Variants in PCDHA12 observed in about 807,000 individuals in gnomAD.
The protein encoded by PCDHA12 is protocadherin alpha 12.
Under a neutral mutation model 60.0 loss-of-function variants are expected in PCDHA12, and 44 were observed. The observed-to-expected ratio is 0.73, with a 90% CI of 0.58 to 0.94. The LOEUF (loss-of-function observed/expected upper bound fraction) is 0.94, where lower values mean the gene tolerates loss of function less well. PCDHA12 is among the 40% of genes least tolerant of loss of function. PCDHA12 has a pLI of 0.00. For missense variants in PCDHA12, 1,276 were observed against 1,239.7 expected, an observed-to-expected ratio of 1.03 and a Z score of -0.44; for synonymous variants, 569 against 553.0, an observed-to-expected ratio of 1.03 and a Z score of -0.40.
Position 141,009,767 on chromosome 5 carries a change from G to T in PCDHA12, c.2656G>T (p.Ala886Ser). ...PDKFIIPGSP[A>S]IISIRQEPTN... is the part of the protein sequence containing the mutation. Reference sequence around the variant, plus strand: ...CAAATTCATTATCCCAGGATCTCCTGCAATCATCTCCATCCGGCAGGAGCC... The same window carrying T: ...CAAATTCATTATCCCAGGATCTCCTTCAATCATCTCCATCCGGCAGGAGCC... The change falls in exon 4 of 4, where the codon GCA becomes TCA. Residue 886 changes from alanine to serine, a missense_variant. Coordinates refer to ENST00000398631, the MANE Select transcript of PCDHA12 (RefSeq NM_018903.4). 1 of 1,614,108 alleles carries T rather than the reference G, an allele frequency of 6.2e-7. No individual in the cohort carries two copies. Among genetic ancestry groups the T allele is most frequent in the South Asian group, 1.1e-5 (1 of 91,072 alleles).
chr5:140,896,687 T>G (rs782089227), intron 1 of PCDHA12, among the ~76,000 whole-genome samples: 2 of 152,170 alleles, frequency 1.3e-5, no homozygotes, highest in Non-Finnish European at 2.9e-5. Context: ...CTTTGCCCAT[T>G]TTTTGATGAG....
At chr5:140,899,704 T>C (rs2067500536) in intron 1 of PCDHA12, among the ~76,000 whole-genome samples, 1 of 152,242 alleles carries the variant, frequency 6.6e-6, no homozygotes, top group Non-Finnish European at 1.5e-5. Context: ...TAAAATGAGT[T>C]AGGGAGGATT....
rs148144382 is a variant in PCDHA12 at position 140,914,978 on chromosome 5, G to C, written c.2367+37139G>C. On this transcript the variant is annotated intron_variant, in intron 1 of 3. Coordinates refer to ENST00000398631, the MANE Select transcript of PCDHA12 (RefSeq NM_018903.4). ...TTTTTTTTTTCTGAGTCAGAGTCTT[G>C]CTCTGCTACCAGGCTGGAGTGCAGT... Among the ~76,000 whole-genome samples the C allele has an allele frequency of 8.9e-3, 1,161 of 130,768 alleles. 6 individuals are homozygous for C. Among genetic ancestry groups the C allele is most frequent in the African/African-American group, 0.022 (758 of 34,950 alleles). 85.8% of individuals were successfully genotyped at this position (130,768 alleles called of 152,430 possible).
intron 1 of PCDHA12, among the ~76,000 whole-genome samples, chr5:140,956,672 G>A (rs571890845): frequency 1.3e-5 from 2 of 152,242 alleles, no homozygotes; most frequent in Admixed American, 1.3e-4. Context: ...AAAGGAGTTA[G>A]GGAGGAGTAC....
intron 1 of PCDHA12, among the ~76,000 whole-genome samples, chr5:140,971,869 A>G (rs1277835883): frequency 1.3e-5 from 2 of 152,182 alleles, no homozygotes; most frequent in Non-Finnish European, 2.9e-5. Flanking sequence ...AACATCTAGC[A>G]TATGAGGAAA....
chr5:140,904,797 C>T (rs2071388214), intron 1 of PCDHA12, among the ~76,000 whole-genome samples: 1 of 152,022 alleles, frequency 6.6e-6, no homozygotes, highest in East Asian at 1.9e-4. Context: ...TTTGCATTTT[C>T]CTGATAATTA....
At chr5:140,949,932 TA>T (rs1438940739) in intron 1 of PCDHA12, among the ~76,000 whole-genome samples, 2 of 151,648 alleles carry the variant, frequency 1.3e-5, no homozygotes, top group African/African-American at 2.4e-5. Context: ...AGATTTTTTT[TA>T]ATTTGCATTT....
At chr5:140,926,618 G>T in intron 1 of PCDHA12, 1 of 382,578 alleles carries the variant, frequency 2.6e-6, no homozygotes, top group Non-Finnish European at 4.6e-6. Flanking sequence ...TGCACCCCTA[G>T]GCGGCGCTGC....
At chr5:140,957,689 A>G (rs2095375568) in intron 1 of PCDHA12, among the ~76,000 whole-genome samples, 1 of 152,234 alleles carries the variant, frequency 6.6e-6, no homozygotes. Flanking sequence ...TATCTAGACA[A>G]TGAACATTAT....
intron 1 of PCDHA12, among the ~76,000 whole-genome samples, chr5:140,975,683 G>A (rs1226769029): frequency 2.0e-5 from 3 of 151,934 alleles, no homozygotes; most frequent in Non-Finnish European, 2.9e-5. Context: ...AATAAAATAG[G>A]GTATTTTAAA....
Position 140,876,592 on chromosome 5 carries a change from G to A in PCDHA12, c.1120G>A (p.Val374Met), listed in dbSNP as rs1469576623. 1.2e-6 allele frequency: 2 copies of A among 1,614,164 alleles called. No individual in the cohort carries two copies. Among genetic ancestry groups the A allele is most frequent in the Middle Eastern group, 1.6e-4 (1 of 6,062 alleles). The change falls in exon 1 of 4, where the codon GTG becomes ATG. Residue 374 changes from valine to methionine, a missense_variant. Val to Met is a conservative substitution (Grantham distance 21, BLOSUM62 1). Transcript: ENST00000398631. ...GGGTACCGTCATTGCCCTGATTAGCGTGTCGGATCGTGACTCTGGAGCCAA... is the reference window on the plus strand; with the variant it reads ...GGGTACCGTCATTGCCCTGATTAGCATGTCGGATCGTGACTCTGGAGCCAA... ...QVGTVIALIS[V>M]SDRDSGANGQ... is the part of the protein sequence containing the mutation.
At chr5:140,998,295 A>G (rs2097805023) in intron 3 of PCDHA12, among the ~76,000 whole-genome samples, 1 of 152,206 alleles carries the variant, frequency 6.6e-6, no homozygotes, top group Non-Finnish European at 1.5e-5. Context: ...CAGATCACAC[A>G]TTTAGTAAGG....
chr5:140,876,718 G>C lies in PCDHA12; in HGVS notation c.1246G>C (p.Glu416Gln). 6.2e-7 allele frequency: 1 copy of C among 1,614,242 alleles called. No individual in the cohort carries two copies. Among genetic ancestry groups the C allele is most frequent in the Non-Finnish European group, 8.5e-7 (1 of 1,180,048 alleles). Residue 416 changes from glutamate to glutamine, a missense_variant, in exon 1 of 4, where the codon GAG becomes CAG. Coordinates refer to ENST00000398631, the MANE Select transcript of PCDHA12 (RefSeq NM_018903.4). ...SLVLDSALDR[E>Q]SVSAYELVVT... Reference sequence around the variant, plus strand: ...GGTGCTGGACAGCGCCCTGGACCGCGAGAGCGTGTCGGCCTATGAGCTGGT... The same window carrying C: ...GGTGCTGGACAGCGCCCTGGACCGCCAGAGCGTGTCGGCCTATGAGCTGGT...
At position 140,877,517 on chromosome 5, in the gene PCDHA12, C is replaced by T. The variant is rs782271327; in HGVS notation, c.2045C>T (p.Ala682Val). ...NGQAPKTSSRASVGAVDPEAA... is the reference protein window; with the variant it reads ...NGQAPKTSSRVSVGAVDPEAA... ...CAGGCCCCAAAGACGTCGTCGCGGG[C>T]CTCAGTGGGCGCTGTGGATCCCGAA... Residue 682 changes from alanine to valine, a missense_variant, in exon 1 of 4, where the codon GCC becomes GTC. Coordinates refer to ENST00000398631, the MANE Select transcript of PCDHA12 (RefSeq NM_018903.4). 5.6e-6 allele frequency: 9 copies of T among 1,613,766 alleles called. No homozygotes were observed. Among genetic ancestry groups the T allele is most frequent in the Non-Finnish European group, 7.6e-6 (9 of 1,179,862 alleles).
intron 3 of PCDHA12, among the ~76,000 whole-genome samples, chr5:141,000,395 CTATATA>C (rs1190667031): frequency 5.7e-4 from 31 of 53,962 alleles, no homozygotes; most frequent in Admixed American, 2.5e-3. Flanking sequence ...CTCTCTCTCT[CTATATA>C]TATATATATA....
intron 1 of PCDHA12, chr5:140,882,970 C>A (rs111935814): frequency 1.2e-6 from 2 of 1,614,130 alleles, no homozygotes; most frequent in African/African-American, 1.3e-5. Flanking sequence ...CGATTCTGGA[C>A]GTGAATGACA....
At chr5:140,980,607 C>T (rs1471918192) in intron 2 of PCDHA12, among the ~76,000 whole-genome samples, 5 of 151,334 alleles carry the variant, frequency 3.3e-5, no homozygotes, top group Non-Finnish European at 7.4e-5. Context: ...TCCAGCCTGG[C>T]GACAGTGCGA....
intron 1 of PCDHA12, among the ~76,000 whole-genome samples, chr5:140,909,874 T>G (rs778631778): frequency 2.6e-4 from 39 of 152,184 alleles, no homozygotes; most frequent in Admixed American, 5.2e-4. Context: ...CAACGTCAGC[T>G]TAGAGACACT....
intron 1 of PCDHA12, among the ~76,000 whole-genome samples, chr5:140,971,090 T>G (rs1554233007): frequency 1.3e-5 from 2 of 152,204 alleles, no homozygotes. Context: ...TAACAAATTC[T>G]TGTGAAGCCC....
Sources: gnomAD v4.1 joint callset for allele counts (sites outside exome capture counted in the v4.1 genomes callset) on GRCh38, gnomAD v4.1.1 for gene constraint, MANE v1.5 for transcripts, NCBI Gene and HGNC (gene_info 2026-07-23, HGNC 2026-07-21) for gene names.